Variants in CSN1S1 observed in about 807,000 individuals in gnomAD.
CSN1S1 encodes alpha-S1-casein.
A neutral mutation model predicts 49.1 loss-of-function variants in CSN1S1; 63 were observed. That is an observed-to-expected ratio of 1.28 (90% CI 1.05 to 1.58). The LOEUF (loss-of-function observed/expected upper bound fraction) is 1.58, where lower values mean the gene tolerates loss of function less well. Ranked by LOEUF, CSN1S1 falls within the 40% of genes most tolerant of loss-of-function variation. The pLI is 0.00. For synonymous variants in CSN1S1, 78 were observed against 67.1 expected (o/e 1.16, Z -0.79); for missense variants, 260 against 224.7 (o/e 1.16, Z -1.01).
chr4:69,946,051 A>C (rs1184162357), intron 15 of CSN1S1, 145 bp from the exon 16 acceptor site: 1 of 324,402 alleles, frequency 3.1e-6, no homozygotes, highest in Non-Finnish European at 6.0e-6. Context: ...ATGGATAGGT[A>C]TGTCAGTAAC....
chr4:69,934,086 G>T, intron 2 of CSN1S1, 126 bp from the exon 3 acceptor site: 1 of 521,474 alleles, frequency 1.9e-6, no homozygotes, highest in South Asian at 4.2e-5. Flanking sequence ...GACAAATATT[G>T]CTATTAAAAC....
At position 69,931,502 on chromosome 4, in the gene CSN1S1, A is replaced by G. The variant is rs771178753; in HGVS notation, c.-13+385A>G. On this transcript the variant is annotated intron_variant, in intron 1 of 15. Coordinates refer to ENST00000246891, the MANE Select transcript of CSN1S1 (RefSeq NM_001890.2). Reference sequence around the variant, plus strand: ...CATAGCAAAAACCATTTCTAGCAGAATAGTTCAAGGCCATTTTTGTTTCAT... The same window carrying G: ...CATAGCAAAAACCATTTCTAGCAGAGTAGTTCAAGGCCATTTTTGTTTCAT... Among the ~76,000 whole-genome samples the G allele has an allele frequency of 6.1e-4, 92 of 151,938 alleles. 1 individual carries two copies. The highest frequency in any genetic ancestry group is 1.9e-4 in the Non-Finnish European group (13 of 67,852).
intron 10 of CSN1S1, 143 bp from the exon 11 acceptor site, chr4:69,939,878 T>A (rs899251630): frequency 1.9e-5 from 10 of 533,874 alleles, no homozygotes; most frequent in Non-Finnish European, 3.4e-5. Context: ...AAATTATTAA[T>A]CTTGTCTCAG....
intron 9 of CSN1S1, 51 bp from the exon 10 acceptor site, chr4:69,939,125 C>T (rs1181218056): frequency 9.2e-6 from 13 of 1,409,436 alleles, no homozygotes; most frequent in African/African-American, 1.4e-5. Context: ...TAGTTTCCTT[C>T]AAATTCTAAA....
intron 4 of CSN1S1, 125 bp downstream of exon 4, chr4:69,934,835 C>A: frequency 1.3e-6 from 1 of 799,722 alleles, no homozygotes; most frequent in Non-Finnish European, 2.1e-6. Flanking sequence ...TCCAACAACT[C>A]AAGTACCTGG....
At chr4:69,945,497 G>A (rs1723133574) in intron 15 of CSN1S1, among the ~76,000 whole-genome samples, 1 of 151,902 alleles carries the variant, frequency 6.6e-6, no homozygotes, top group Admixed American at 6.6e-5. Flanking sequence ...TCCTGAGGGT[G>A]ATCAAATATA....
At chr4:69,932,832 A>G (rs1489462124) in intron 2 of CSN1S1, among the ~76,000 whole-genome samples, 2 of 151,970 alleles carry the variant, frequency 1.3e-5, no homozygotes, top group East Asian at 3.9e-4. Context: ...TTGAATTATA[A>G]GCACCCCACA....
At chr4:69,936,373 G>A (rs1354803989) in intron 5 of CSN1S1, 83 bp from the exon 6 acceptor site, 1 of 1,017,136 alleles carries the variant, frequency 9.8e-7, no homozygotes, top group East Asian at 2.5e-5. Context: ...TCAGCACGAT[G>A]TGAAGTACAG....
rs772783879 is a variant in CSN1S1, at chr4:69,944,895, T to C, written c.448T>C (p.Trp150Arg). 6.2e-7 allele frequency: 1 copy of C among 1,613,030 alleles called. No homozygotes were observed. The highest frequency in any genetic ancestry group is 8.5e-7 in the Non-Finnish European group (1 of 1,179,276). Residue 150 changes from tryptophan (W) to arginine (R), a missense_variant, in exon 15 of 16, where the codon TGG becomes CGG. Physicochemically the swap from Trp to Arg is moderately radical, Grantham distance 101. Transcript: ENST00000246891. ...ACTTGCTGCCTACCCCTATGCTGTTTGGTACTATCCACAAATCATGCAGTA... is the reference window on the plus strand; with the variant it reads ...ACTTGCTGCCTACCCCTATGCTGTTCGGTACTATCCACAAATCATGCAGTA... ...NQLAAYPYAV[W>R]YYPQIMQYVP...
chr4:69,944,791 A>C, intron 14 of CSN1S1, 59 bp from the exon 15 acceptor site: 1 of 1,535,224 alleles, frequency 6.5e-7, no homozygotes, highest in East Asian at 2.3e-5. Context: ...GATATTTTTC[A>C]GGGACTGAAA....
At chr4:69,936,680 G>T in intron 7 of CSN1S1, 73 bp downstream of exon 7, 1 of 1,379,436 alleles carries the variant, frequency 7.2e-7, no homozygotes, top group Non-Finnish European at 9.8e-7. Context: ...TTTCCTTTAG[G>T]AAAAAAAAGC....
In CSN1S1 at chr4:69,942,574, A is replaced by T. The variant is rs1723011704; in HGVS notation, c.399A>T (p.Gln133His). The T allele has an allele frequency of 6.3e-7, 1 of 1,584,164 alleles. No homozygotes were observed. Among genetic ancestry groups the T allele is most frequent in the Admixed American group, 1.8e-5 (1 of 56,332 alleles). ...GAATGAATGAAAACAGCCATGTCCAAGTGGTAATATTTTGCTTAATATATT... is the reference window on the plus strand; with the variant it reads ...GAATGAATGAAAACAGCCATGTCCATGTGGTAATATTTTGCTTAATATATT... ...IRRMNENSHV[Q>H]VPFQQLNQLA... Residue 133 changes from glutamine to histidine, a missense_variant, in exon 14 of 16, where the codon CAA becomes CAT. By Grantham distance (24) the Gln-to-His change is conservative. Coordinates refer to ENST00000246891, the MANE Select transcript of CSN1S1 (RefSeq NM_001890.2).
chr4:69,932,491 A>G, intron 1 of CSN1S1, 53 bp from the exon 2 acceptor site: 1 of 1,488,134 alleles, frequency 6.7e-7, no homozygotes, highest in Non-Finnish European at 9.1e-7. Flanking sequence ...TTTTTCAGGA[A>G]ACAAATTTAA....
At chr4:69,945,396 A>G (rs1723129965) in intron 15 of CSN1S1, among the ~76,000 whole-genome samples, 2 of 152,036 alleles carry the variant, frequency 1.3e-5, no homozygotes, top group Admixed American at 1.3e-4. Flanking sequence ...GGTAGGTAAT[A>G]TAGCACATAT....
intron 2 of CSN1S1, 60 bp downstream of exon 2, chr4:69,932,666 C>A: frequency 7.2e-7 from 1 of 1,384,170 alleles, no homozygotes; most frequent in South Asian, 1.2e-5. Flanking sequence ...CCTGACACTT[C>A]ATCAAACATA....
intron 10 of CSN1S1, among the ~76,000 whole-genome samples, chr4:69,939,556 A>C (rs1722909121): frequency 6.6e-6 from 1 of 151,774 alleles, no homozygotes; most frequent in African/African-American, 2.4e-5. Context: ...TGAAGTAAAC[A>C]TTTCATAAAC....
rs1723009936 is a variant in CSN1S1 at position 69,942,539 on chromosome 4, C to A, written c.364C>A (p.Gln122Lys). The A allele has an allele frequency of 2.5e-6, 4 of 1,585,384 alleles. No homozygotes were observed. The highest frequency in any genetic ancestry group is 3.4e-6 in the Non-Finnish European group (4 of 1,164,092). Reference protein sequence around the residue: ...LQLQAAHAQEQIRRMNENSHV... With the variant: ...LQLQAAHAQEKIRRMNENSHV... ...GAATGTGTTTCCTTTTATGCAGGAG[C>A]AAATTCGCAGAATGAATGAAAACAG... is the stretch of plus-strand genomic sequence containing the variant. The change falls in exon 14 of 16, where the codon CAA becomes AAA. Residue 122 changes from glutamine to lysine, a missense_variant. Gln to Lys is a moderately conservative substitution (Grantham distance 53). Transcript: ENST00000246891.
intron 4 of CSN1S1, 142 bp from the exon 5 acceptor site, chr4:69,935,784 T>A: frequency 1.5e-6 from 1 of 655,064 alleles, no homozygotes; most frequent in Non-Finnish European, 2.7e-6. Context: ...CTATAAATAA[T>A]ACATATGTGT....
chr4:69,943,974 A>AT (rs1723065795), intron 14 of CSN1S1, among the ~76,000 whole-genome samples: 1 of 151,932 alleles, frequency 6.6e-6, no homozygotes, highest in Non-Finnish European at 1.5e-5. Flanking sequence ...ACACATTCAA[A>AT]TCATAGACAC....
Sources: allele counts gnomAD v4.1 joint callset (sites outside exome capture counted in the v4.1 genomes callset), GRCh38; gene constraint gnomAD v4.1.1; transcripts MANE v1.5; gene names NCBI Gene and HGNC (gene_info 2026-07-23, HGNC 2026-07-21).